NOS3: variants seen among roughly 807,000 people sequenced by gnomAD.
NOS3 encodes nitric oxide synthase 3, also known as NOS type III.
Under a neutral mutation model 144.9 loss-of-function variants are expected in NOS3, and 98 were observed. The observed-to-expected ratio is 0.68, with a 90% CI of 0.57 to 0.80. The LOEUF (loss-of-function observed/expected upper bound fraction) is 0.80, where lower values mean the gene tolerates loss of function less well. NOS3 is among the 30% of genes least tolerant of loss of function. The pLI, the probability that NOS3 is intolerant of heterozygous loss-of-function variation, is 0.00. For synonymous variants in NOS3, 714 were observed against 702.4 expected, an observed-to-expected ratio of 1.02 and a Z score of -0.26; for missense variants, 1,465 against 1,656.4, an observed-to-expected ratio of 0.88 and a Z score of 2.01.
At position 150,993,943 on chromosome 7, in the gene NOS3, C is replaced by A. The variant is rs866430608; in HGVS notation, c.140C>A (p.Pro47Gln). The change falls in exon 2 of 27, where the codon CCA becomes CAA. Residue 47 changes from proline to glutamine, a missense_variant. Physicochemically the swap from Pro to Gln is moderately conservative, Grantham distance 76 (BLOSUM62 -1). Around this residue, in one of 5 missense-constraint regions of NOS3, gnomAD observed 374 missense variants for 377.0 expected, o/e 0.99. Transcript: ENST00000297494. The surrounding 1 kb of genome is among the most constrained non-coding windows in gnomAD (Gnocchi z 4.0). ...EPSRAPASLL[P>Q]PAPEHSPPSS... ...AGCCGGGCCCCAGCATCCCTACTCC[C>A]ACCAGCGCCAGAACACAGGTAAGGG... The A allele has an allele frequency of 1.9e-6, 3 of 1,568,992 alleles. No individual in the cohort carries two copies. Among genetic ancestry groups the A allele is most frequent in the Admixed American group, 1.9e-5 (1 of 53,872 alleles).
chr7:151,013,593 A>G, intron 25 of NOS3, 131 bp from the exon 26 acceptor site: 1 of 975,838 alleles, frequency 1.0e-6, no homozygotes, highest in Non-Finnish European at 1.4e-6. Flanking sequence ...CCCTGTTGAC[A>G]CCGCCCCAGG....
In NOS3 at chr7:151,013,373, C is replaced by T. The variant is rs758963869; in HGVS notation, c.3249C>T (p.Asn1083=). 3 of 1,612,810 alleles carry T rather than the reference C, an allele frequency of 1.9e-6. No individual in the cohort carries two copies. Among genetic ancestry groups the T allele is most frequent in the South Asian group, 2.2e-5 (2 of 91,010 alleles). Residue 1083 remains asparagine (N), a synonymous_variant, in exon 25 of 27, where the codon AAC becomes AAT. Coordinates refer to ENST00000297494, the MANE Select transcript of NOS3 (RefSeq NM_000603.5). The part of the protein sequence containing the change: ...VLTAFSREPD[N]PKTYVQDILR... ...CCGCCTTCTCCCGGGAACCTGACAA[C>T]CCCAAGGTGTGAGACCCTGAGGGCG...
chr7:151,010,599 T>A lies in NOS3; in HGVS notation c.2688T>A (p.Asp896Glu). ...CCCACTGCATCCTGCCCCGCCAGGA[T>A]CCCCGACGCTACGAGGAGTGGAAGT... Reference protein sequence around the residue: ...EQQELEALSQDPRRYEEWKWF... With the variant: ...EQQELEALSQEPRRYEEWKWF... The change falls in exon 22 of 27, where the codon GAT becomes GAA. Residue 896 changes from aspartate to glutamate, a missense_variant and splice_region_variant. By Grantham distance (45) the Asp-to-Glu change is conservative. Transcript: ENST00000297494. 1 of 1,583,258 alleles carries A rather than the reference T, an allele frequency of 6.3e-7. No individual in the cohort carries two copies. The highest frequency in any genetic ancestry group is 8.6e-7 in the Non-Finnish European group (1 of 1,164,290).
chr7:151,003,459 A>T lies in NOS3; in HGVS notation c.1752+1155A>T, dbSNP rs942070215. On this transcript the variant is annotated intron_variant, in intron 14 of 26. Coordinates refer to ENST00000297494, the MANE Select transcript of NOS3 (RefSeq NM_000603.5). The surrounding 1 kb of genome is among the most constrained non-coding windows in gnomAD (Gnocchi z 4.1). ...CTTAAGCAAGTTGGAATCTCGTGAA[A>T]CCCTTTTTGCTGCCTTAGTGTCCGT... is the stretch of plus-strand genomic sequence containing the variant. 12 of 1,217,884 alleles carry T rather than the reference A, an allele frequency of 9.9e-6. No individual in the cohort carries two copies. In the East Asian group the frequency reaches 5.8e-4, roughly 59 times the overall value. The allele number at this position is 1,217,884 out of a possible 1,614,324, so 75.4% of individuals were successfully genotyped here. A position where few individuals can be genotyped will look rare whatever the true frequency, so the allele number is the denominator to read the frequency against.
chr7:151,007,300 C>G (rs368899020), intron 17 of NOS3, 24 bp downstream of exon 17: 113 of 1,575,390 alleles, frequency 7.2e-5, no homozygotes, highest in Non-Finnish European at 9.5e-5. Flanking sequence ...AGCCCCTGCT[C>G]TGACTCCTGC....
chr7:150,995,339 A>G (rs776922838), intron 3 of NOS3, 25 bp downstream of exon 3: 4 of 1,529,816 alleles, frequency 2.6e-6, no homozygotes, highest in Non-Finnish European at 2.7e-6. Flanking sequence ...CCCTGTCCCC[A>G]TCGTCTCCAG....
chr7:151,009,121 T>C (rs1454884995), intron 18 of NOS3, 59 bp downstream of exon 18: 22 of 1,612,904 alleles, frequency 1.4e-5, no homozygotes, highest in Non-Finnish European at 1.7e-5. Flanking sequence ...ACCCCGGGAC[T>C]AAAGCACTCT....
At chr7:151,009,360 C>G in intron 19 of NOS3, 38 bp from the exon 20 acceptor site, 1 of 887,444 alleles carries the variant, frequency 1.1e-6, no homozygotes, top group Non-Finnish European at 1.7e-6. Context: ...CCCCACCCCT[C>G]TCTGACTCCC....
Position 151,012,265 on chromosome 7 carries a change from G to A in NOS3, c.2985-86G>A, listed in dbSNP as rs896866355. 8 of 1,188,800 alleles carry A rather than the reference G, an allele frequency of 6.7e-6. No homozygotes were observed. The Admixed American group carries it at 1.2e-4, about 17-fold the overall frequency. 73.6% of individuals were successfully genotyped at this position (1,188,800 alleles called of 1,614,324 possible). On this transcript the variant is annotated intron_variant, in intron 23 of 26. Transcript: ENST00000297494. The stretch of plus-strand genomic sequence containing the variant: ...TTTTTTTGAGATGGGAAGAACTTGG[G>A]TCCTCCTTGCTCCACCCACCCTGCA...
intron 17 of NOS3, among the ~76,000 whole-genome samples, chr7:151,007,913 G>A (rs1795231112): frequency 1.3e-5 from 2 of 152,110 alleles, no homozygotes; most frequent in African/African-American, 4.8e-5. Context: ...CTGCTGTCCC[G>A]GGGCCCAGGC....
chr7:151,006,069 G>A (rs1795202784), intron 14 of NOS3, among the ~76,000 whole-genome samples: 1 of 152,070 alleles, frequency 6.6e-6, no homozygotes, highest in Non-Finnish European at 1.5e-5. Flanking sequence ...TGACCTGGAG[G>A]GATGTCTGCA....
In NOS3 at chr7:151,010,256, G is replaced by C. The variant is rs3918201; in HGVS notation, c.2654G>C (p.Arg885Thr). The C allele has an allele frequency of 3.7e-6, 6 of 1,613,002 alleles. No homozygotes were observed. The highest frequency in any genetic ancestry group is 5.1e-6 in the Non-Finnish European group (6 of 1,179,902). Residue 885 changes from arginine (R) to threonine (T), a missense_variant, in exon 21 of 27, where the codon AGG (arginine) becomes ACG (threonine). Transcript: ENST00000297494. ...RLLSTLAEEP[R>T]EQQELEALSQ... is the part of the protein sequence containing the mutation. ...CTCAGCACCTTGGCAGAAGAGCCCAGGGAACAGCAGGAGCTGGAGGCCCTC... is the reference window on the plus strand; with the variant it reads ...CTCAGCACCTTGGCAGAAGAGCCCACGGAACAGCAGGAGCTGGAGGCCCTC...
chr7:151,000,332 C>T (rs1019890369), intron 9 of NOS3, among the ~76,000 whole-genome samples, 166 bp from the exon 10 acceptor site: 1 of 152,082 alleles, frequency 6.6e-6, no homozygotes, highest in East Asian at 1.9e-4. Flanking sequence ...CTCTGAGGTG[C>T]CTTCGCAGGC....
At position 151,002,383 on chromosome 7, in the gene NOS3, AACAC is replaced by A. The variant is rs3138808; in HGVS notation, c.1752+146_1752+149del. ...AGTGACTGGGCAGGAACCTCTGCCC[AACAC>A]ACACACACACACACACACACACACA... is the stretch of plus-strand genomic sequence containing the variant. On this transcript the variant is annotated intron_variant, in intron 14 of 26. Transcript: ENST00000297494. This position sits in a 1 kb window ranked among gnomAD's most constrained non-coding sequence, Gnocchi z 4.1. The A allele has an allele frequency of 0.016, 4,199 of 270,660 alleles. 149 individuals carry two copies. Among genetic ancestry groups the A allele is most frequent in the African/African-American group, 0.026 (630 of 24,450 alleles). 16.8% of individuals were successfully genotyped at this position (270,660 alleles called of 1,614,324 possible). A position where few individuals can be genotyped will look rare whatever the true frequency, so the allele number is the denominator to read the frequency against.
Position 151,013,871 on chromosome 7 carries a change from G to A in NOS3, c.3403G>A (p.Gly1135Ser), listed in dbSNP as rs566042414. The change falls in exon 26 of 27, where the codon GGC becomes AGC. Residue 1135 changes from glycine to serine, a missense_variant. Physicochemically the swap from Gly to Ser is moderately conservative, Grantham distance 56. Around this residue, in one of 5 missense-constraint regions of NOS3, gnomAD observed 228 missense variants for 227.7 expected, o/e 1.00. Transcript: ENST00000297494. ...CGTGCAGCGCATCCTGGCGACGGAGGGCGACATGGAGCTGGACGAGGCCGG... is the reference window on the plus strand; with the variant it reads ...CGTGCAGCGCATCCTGGCGACGGAGAGCGACATGGAGCTGGACGAGGCCGG... The part of the protein sequence containing the change: ...QTVQRILATE[G>S]DMELDEAGDV... The A allele has an allele frequency of 2.0e-4, 327 of 1,603,588 alleles. 3 individuals carry two copies. The South Asian group carries it at 3.6e-3, about 17-fold the overall frequency.
At chr7:150,999,455 G>A (rs943658355) in intron 9 of NOS3, 91 bp downstream of exon 9, 17 of 1,375,524 alleles carry the variant, frequency 1.2e-5, no homozygotes, top group Non-Finnish European at 1.6e-5. Context: ...CAGCCACGGG[G>A]ACAATCAGAG....
intron 17 of NOS3, among the ~76,000 whole-genome samples, chr7:151,007,786 T>C (rs923169930): frequency 6.6e-6 from 1 of 152,198 alleles, no homozygotes; most frequent in Non-Finnish European, 1.5e-5. Context: ...GGTGGATCCC[T>C]GGGGGCTGTG....
Position 151,003,475 on chromosome 7 carries a change from T to G in NOS3, c.1752+1171T>G, listed in dbSNP as rs1422966937. ...TCTCGTGAAACCCTTTTTGCTGCCT[T>G]AGTGTCCGTTTCAGCCCTCATTCTG... On this transcript the variant is annotated intron_variant, in intron 14 of 26. Coordinates refer to ENST00000297494, the MANE Select transcript of NOS3 (RefSeq NM_000603.5). The surrounding 1 kb of genome is among the most constrained non-coding windows in gnomAD (Gnocchi z 4.1). The G allele has an allele frequency of 8.1e-7, 1 of 1,229,066 alleles. No homozygotes were observed. Among genetic ancestry groups the G allele is most frequent in the Non-Finnish European group, 1.0e-6 (1 of 955,092 alleles). 76.1% of individuals were successfully genotyped at this position (1,229,066 alleles called of 1,614,324 possible). A position where few individuals can be genotyped will look rare whatever the true frequency, so the allele number is the denominator to read the frequency against.
At chr7:151,012,684 G>T in intron 24 of NOS3, 1 of 542,638 alleles carries the variant, frequency 1.8e-6, no homozygotes, top group South Asian at 2.5e-5. Flanking sequence ...CATAGTAGGT[G>T]TTGACTGGAT....
Sources: allele counts gnomAD v4.1 joint callset (sites outside exome capture counted in the v4.1 genomes callset), GRCh38; gene constraint gnomAD v4.1.1; regional missense constraint gnomAD v4.1.1; non-coding constraint Gnocchi (gnomAD v3.1); transcripts MANE v1.5; gene names NCBI Gene and HGNC (gene_info 2026-07-23, HGNC 2026-07-21).